POLA1: variants seen among roughly 807,000 people sequenced by gnomAD.
POLA1 encodes the protein DNA polymerase alpha catalytic subunit.
Under a neutral mutation model 124.0 loss-of-function variants are expected in POLA1, and 15 were observed. The observed-to-expected ratio is 0.12, with a 90% CI of 0.08 to 0.19. POLA1 has a LOEUF of 0.19. Among genes scored for constraint, POLA1 ranks in the 10% least tolerant of loss-of-function variants. The pLI is 1.00. For missense variants in POLA1, 886 were observed against 1,103.4 expected (o/e 0.80, Z 2.79); for synonymous variants, 408 against 389.4 (o/e 1.05, Z -0.56).
intron 34 of POLA1, among the ~76,000 whole-genome samples, chrX:24,871,380 C>T (rs1459737549): frequency 9.0e-6 from 1 of 111,498 alleles, no homozygotes; most frequent in African/African-American, 3.3e-5. Flanking sequence ...TGATCTCAGG[C>T]CCACATTTTG....
intron 34 of POLA1, among the ~76,000 whole-genome samples, chrX:24,857,735 G>C (rs2046664738): frequency 9.0e-6 from 1 of 111,154 alleles, no homozygotes; most frequent in Non-Finnish European, 1.9e-5. Context: ...ATTTTATTTT[G>C]TAAACCTTTA....
chrX:24,979,320 A>G (rs1311903290), intron 36 of POLA1, among the ~76,000 whole-genome samples: 1 of 112,031 alleles, frequency 8.9e-6, no homozygotes, highest in Non-Finnish European at 1.9e-5. Flanking sequence ...GCATCGCGTA[A>G]CAATTATAAC....
intron 26 of POLA1, among the ~76,000 whole-genome samples, chrX:24,803,659 A>T (rs1163724766): frequency 1.8e-5 from 2 of 110,865 alleles, no homozygotes; most frequent in African/African-American, 6.6e-5. Flanking sequence ...TATCCTCACA[A>T]CGCTAATTAT....
intron 36 of POLA1, among the ~76,000 whole-genome samples, chrX:24,952,909 A>G (rs894663826): frequency 8.9e-6 from 1 of 112,229 alleles, no homozygotes; most frequent in Non-Finnish European, 1.9e-5. Context: ...GTGCTGATTC[A>G]TTCATATTTT....
At chrX:24,787,097 T>C (rs1439857425) in intron 26 of POLA1, among the ~76,000 whole-genome samples, 1 of 111,548 alleles carries the variant, frequency 9.0e-6, no homozygotes. Flanking sequence ...TATTGAGTTG[T>C]GTGAGTTTCT....
intron 36 of POLA1, among the ~76,000 whole-genome samples, chrX:24,986,407 A>G (rs1321666602): frequency 1.8e-5 from 2 of 110,718 alleles, no homozygotes; most frequent in Non-Finnish European, 3.8e-5. Flanking sequence ...TCAAAGCTGC[A>G]ATGAGCTATG....
At chrX:24,781,539 A>G (rs190626971) in intron 26 of POLA1, among the ~76,000 whole-genome samples, 1 of 112,133 alleles carries the variant, frequency 8.9e-6, no homozygotes, top group Admixed American at 9.5e-5. Context: ...TGGATATTAG[A>G]GTAAATTACA....
intron 36 of POLA1, among the ~76,000 whole-genome samples, chrX:24,976,054 T>C (rs2048361593): frequency 8.9e-6 from 1 of 112,684 alleles, no homozygotes; most frequent in African/African-American, 3.2e-5. Context: ...GTGTGTTCTT[T>C]AATACCGACA....
chrX:24,867,331 G>A (rs2046808213), intron 34 of POLA1, among the ~76,000 whole-genome samples: 1 of 110,895 alleles, frequency 9.0e-6, no homozygotes, highest in Admixed American at 9.6e-5. Context: ...ATTTTAGCTT[G>A]GAAATAATCT....
intron 18 of POLA1, among the ~76,000 whole-genome samples, chrX:24,736,348 C>T (rs1473904035): frequency 8.9e-6 from 1 of 111,778 alleles, no homozygotes; most frequent in African/African-American, 3.3e-5. Context: ...ATTTCAAGAC[C>T]TATCTTTAAA....
At position 24,826,541 on chromosome X, in the gene POLA1, G is replaced by C; in HGVS notation, c.3676G>C (p.Val1226Leu). The C allele has an allele frequency of 8.3e-7, 1 of 1,206,737 alleles. No individual in the cohort carries two copies. The highest frequency in any genetic ancestry group is 1.1e-6 in the Non-Finnish European group (1 of 892,158). ...YYLAQQIHPV[V>L]ARICEPIDGI... ...CCTGGCCCAGCAGATCCACCCAGTC[G>C]TGGCTCGGATCTGTGAACCAATAGA... is the stretch of plus-strand genomic sequence containing the variant. Residue 1226 changes from valine (V) to leucine (L), a missense_variant, in exon 32 of 37, where the codon GTG becomes CTG. By Grantham distance (32) the Val-to-Leu change is conservative. Around this residue, in one of 7 missense-constraint regions of POLA1, gnomAD observed 313 missense variants for 359.7 expected, o/e 0.87. Transcript: ENST00000379068.
At chrX:24,910,393 T>A (rs967609818) in intron 35 of POLA1, among the ~76,000 whole-genome samples, 3 of 110,480 alleles carry the variant, frequency 2.7e-5, no homozygotes, top group Non-Finnish European at 5.7e-5. Flanking sequence ...TAGATAGCTC[T>A]TATTATTTTG....
intron 26 of POLA1, among the ~76,000 whole-genome samples, chrX:24,809,590 G>A (rs943089525): frequency 9.0e-6 from 1 of 111,636 alleles, no homozygotes; most frequent in Admixed American, 9.5e-5. Context: ...TAGGCATGCA[G>A]TTCTATTTAA....
At chrX:24,780,663 C>A (rs934784277) in intron 26 of POLA1, among the ~76,000 whole-genome samples, 3 of 111,560 alleles carry the variant, frequency 2.7e-5, no homozygotes, top group African/African-American at 9.8e-5. Context: ...TGGGCTAAAC[C>A]CCACTTGGTC....
intron 34 of POLA1, among the ~76,000 whole-genome samples, chrX:24,845,159 G>T (rs1204730656): frequency 9.0e-6 from 1 of 111,658 alleles, no homozygotes; most frequent in Non-Finnish European, 1.9e-5. Context: ...TGTGGTGGTG[G>T]TTATATAAGT....
intron 32 of POLA1, among the ~76,000 whole-genome samples, chrX:24,828,560 GCT>G (rs771791887): frequency 6.3e-5 from 7 of 111,750 alleles, no homozygotes; most frequent in Non-Finnish European, 1.1e-4. Context: ...ACTCCCCCCC[GCT>G]CTCCACTGAA....
chrX:24,827,715 T>C (rs2046194727), intron 32 of POLA1, among the ~76,000 whole-genome samples: 1 of 111,914 alleles, frequency 8.9e-6, no homozygotes, highest in Admixed American at 9.5e-5. Flanking sequence ...CCTTGAGTCA[T>C]GGAATAGAGT....
chrX:24,939,301 G>A (rs1473013758), intron 36 of POLA1, among the ~76,000 whole-genome samples: 2 of 112,064 alleles, frequency 1.8e-5, no homozygotes, highest in African/African-American at 6.5e-5. Flanking sequence ...TGAAAAAAAT[G>A]AAACAATTCG....
At chrX:24,732,599 GTT>G (rs5901763) in intron 16 of POLA1, 145 bp downstream of exon 16, 435 of 205,030 alleles carry the variant, frequency 2.1e-3, no homozygotes, top group East Asian at 2.9e-3. Context: ...GTTTTTTTTT[GTT>G]TTTTTTTTTT....
Sources: gnomAD v4.1 joint callset for allele counts (sites outside exome capture counted in the v4.1 genomes callset) on GRCh38, gnomAD v4.1.1 for gene constraint, gnomAD v4.1.1 regional missense constraint, MANE v1.5 for transcripts, NCBI Gene and HGNC (gene_info 2026-07-23, HGNC 2026-07-21) for gene names.